The following LRRC4C variants were observed in gnomAD, a reference collection of about 807,000 sequenced individuals.
The protein encoded by LRRC4C is leucine rich repeat containing 4C.
A neutral mutation model predicts 33.6 loss-of-function variants in LRRC4C; 5 were observed. That is an observed-to-expected ratio of 0.15 (90% CI 0.08 to 0.31). The LOEUF is 0.31. LRRC4C is among the 10% of genes least tolerant of loss of function. LRRC4C has a pLI of 1.00. For synonymous variants in LRRC4C, 329 were observed against 302.0 expected (o/e 1.09, Z -0.93); for missense variants, 560 against 796.7 (o/e 0.70, Z 3.58).
intron 1 of LRRC4C, among the ~76,000 whole-genome samples, chr11:41,072,178 A>T (rs796622097): frequency 3.9e-5 from 6 of 151,976 alleles, no homozygotes; most frequent in African/African-American, 1.4e-4. Context: ...AGTTGGGAGG[A>T]TTTACTGCAA....
chr11:40,806,087 T>C (rs1038244080), intron 2 of LRRC4C, among the ~76,000 whole-genome samples: 7 of 152,332 alleles, frequency 4.6e-5, no homozygotes, highest in African/African-American at 1.7e-4. Context: ...CACTGAAACC[T>C]TCATTTTTAT....
chr11:40,160,115 C>T (rs139868532), intron 5 of LRRC4C, among the ~76,000 whole-genome samples: 7 of 151,914 alleles, frequency 4.6e-5, no homozygotes, highest in South Asian at 2.1e-4. Flanking sequence ...GGTGGTCATC[C>T]GTGGTTGTTC....
At chr11:40,960,179 A>G (rs2136855804) in intron 1 of LRRC4C, among the ~76,000 whole-genome samples, 1 of 151,814 alleles carries the variant, frequency 6.6e-6, no homozygotes, top group East Asian at 1.9e-4. Flanking sequence ...TAAGCATGCA[A>G]GCTTCTGGAT....
intron 4 of LRRC4C, among the ~76,000 whole-genome samples, chr11:40,279,627 T>A (rs903250889): frequency 3.3e-5 from 5 of 152,194 alleles, no homozygotes; most frequent in African/African-American, 1.2e-4. Flanking sequence ...CTCACTACAA[T>A]CCTGCATTAT....
intron 2 of LRRC4C, among the ~76,000 whole-genome samples, chr11:40,847,471 C>T (rs1481899145): frequency 6.6e-6 from 1 of 152,158 alleles, no homozygotes; most frequent in East Asian, 1.9e-4. Flanking sequence ...GTATGTTGAA[C>T]CAGACTTGCA....
At chr11:41,423,435 G>A (rs149031052) in intron 1 of LRRC4C, among the ~76,000 whole-genome samples, 1 of 152,132 alleles carries the variant, frequency 6.6e-6, no homozygotes, top group Non-Finnish European at 1.5e-5. Context: ...AAGTATTGAA[G>A]CAGATAAAAG....
Position 40,437,510 on chromosome 11 carries a change from C to T in LRRC4C, c.-269-117789G>A, listed in dbSNP as rs529358132. ...CCATGTTCCAGCGATTTTCCTGCCT[C>T]AGCCTCCTGGGTAGCTGGGATTACA... On this transcript the variant is annotated intron_variant, in intron 3 of 6. Coordinates refer to ENST00000528697, the MANE Select transcript of LRRC4C (RefSeq NM_001258419.2). Among the ~76,000 whole-genome samples, 26 of 151,832 alleles carry T rather than the reference C, an allele frequency of 1.7e-4. No homozygotes were observed. The South Asian group carries it at 4.6e-3, about 27-fold the overall frequency.
At chr11:41,357,623 T>C (rs1435700176) in intron 1 of LRRC4C, among the ~76,000 whole-genome samples, 1 of 152,110 alleles carries the variant, frequency 6.6e-6, no homozygotes, top group African/African-American at 2.4e-5. Context: ...TTTTCCATAT[T>C]GTTGTTGGAA....
intron 3 of LRRC4C, chr11:40,445,669 G>A (rs983403448): frequency 6.5e-6 from 1 of 152,680 alleles, no homozygotes; most frequent in Admixed American, 6.5e-5. Flanking sequence ...ACATTCATAA[G>A]ATTTTTCCCC....
intron 3 of LRRC4C, among the ~76,000 whole-genome samples, chr11:40,640,303 A>T (rs1942029989): frequency 6.6e-6 from 1 of 152,188 alleles, no homozygotes; most frequent in African/African-American, 2.4e-5. Context: ...GAACTAACTT[A>T]TACAAGTCCT....
intron 1 of LRRC4C, among the ~76,000 whole-genome samples, chr11:41,286,772 G>C (rs1949842377): frequency 6.6e-6 from 1 of 152,040 alleles, no homozygotes; most frequent in Non-Finnish European, 1.5e-5. Context: ...AAAGAGGAGG[G>C]GGAGGAGAGG....
At chr11:40,534,330 T>C (rs886538746) in intron 3 of LRRC4C, among the ~76,000 whole-genome samples, 1 of 152,182 alleles carries the variant, frequency 6.6e-6, no homozygotes, top group Middle Eastern at 3.2e-3. Context: ...ATGGCATATA[T>C]ATATGTGTAT....
In LRRC4C at chr11:40,601,212, G is replaced by A. The variant is rs1267622678; in HGVS notation, c.-270+46930C>T. Among the ~76,000 whole-genome samples the A allele has an allele frequency of 3.9e-5, 6 of 151,912 alleles. No individual in the cohort carries two copies. The South Asian group carries it at 8.3e-4, about 21-fold the overall frequency. ...ATAATTGAATCTCTTTACTATTTCC[G>A]AATGACTTTTACTTATCCACCTTCA... On this transcript the variant is annotated intron_variant, in intron 3 of 6. Coordinates refer to ENST00000528697, the MANE Select transcript of LRRC4C (RefSeq NM_001258419.2).
chr11:41,196,486 G>A (rs1946183558), intron 1 of LRRC4C, among the ~76,000 whole-genome samples: 1 of 151,950 alleles, frequency 6.6e-6, no homozygotes, highest in African/African-American at 2.4e-5. Context: ...CCAATCTTTA[G>A]GCCATAGGAG....
chr11:40,495,813 G>GT lies in LRRC4C; in HGVS notation c.-270+152328dup, dbSNP rs77683172. Among the ~76,000 whole-genome samples the GT allele has an allele frequency of 4.0e-3, 270 of 67,004 alleles. 70 individuals carry two copies. Among genetic ancestry groups the GT allele is most frequent in the African/African-American group, 0.012 (182 of 15,808 alleles). The allele number at this position is 67,004 out of a possible 152,430, so 44.0% of individuals were successfully genotyped here. On this transcript the variant is annotated intron_variant, in intron 3 of 6. Transcript: ENST00000528697. ...TTTTATTGAAGTTCTCAATAAACAT[G>GT]TTTTTTTTTTTTTTTTTTTTTTTTT...
chr11:40,558,497 A>G (rs1957416761), intron 3 of LRRC4C, among the ~76,000 whole-genome samples: 1 of 152,216 alleles, frequency 6.6e-6, no homozygotes, highest in African/African-American at 2.4e-5. Flanking sequence ...AAAATGTTTT[A>G]TGATGAAGAA....
intron 3 of LRRC4C, among the ~76,000 whole-genome samples, chr11:40,425,205 T>TC (rs1413172300): frequency 1.3e-5 from 2 of 151,968 alleles, no homozygotes; most frequent in Non-Finnish European, 2.9e-5. Flanking sequence ...CCCCAAGAGA[T>TC]CTAGTAAAAT....
At chr11:40,346,492 T>A (rs1423190429) in intron 3 of LRRC4C, among the ~76,000 whole-genome samples, 1 of 152,124 alleles carries the variant, frequency 6.6e-6, no homozygotes, top group East Asian at 1.9e-4. Flanking sequence ...AAGTGGCAGC[T>A]AAATGATGAG....
intron 1 of LRRC4C, among the ~76,000 whole-genome samples, chr11:40,979,635 T>C (rs1160061203): frequency 6.6e-6 from 1 of 152,226 alleles, no homozygotes; most frequent in Admixed American, 6.5e-5. Context: ...AATTCATCTT[T>C]GTCAGCATTT....
Sources: allele counts gnomAD v4.1 joint callset (sites outside exome capture counted in the v4.1 genomes callset), GRCh38; gene constraint gnomAD v4.1.1; transcripts MANE v1.5; gene names NCBI Gene and HGNC (gene_info 2026-07-23, HGNC 2026-07-21).